The following LCOR variants were observed in gnomAD, a reference collection of about 807,000 sequenced individuals.
LCOR encodes ligand-dependent corepressor.
In LCOR, 14 loss-of-function variants were observed where a neutral mutation model predicts 64.4. The ratio of observed to expected loss-of-function variants is 0.22; its 90% CI spans 0.14 to 0.34. The LOEUF is 0.34. Among genes scored for constraint, LCOR ranks in the 10% least tolerant of loss-of-function variants. The pLI is 1.00. For synonymous variants in LCOR, 643 were observed against 642.5 expected, an observed-to-expected ratio of 1.00 and a Z score of -0.01; for missense variants, 1,686 against 1,765.3, an observed-to-expected ratio of 0.96 and a Z score of 0.80.
At chr10:96,966,992 T>G (rs1847958006) in intron 7 of LCOR, among the ~76,000 whole-genome samples, 1 of 152,196 alleles carries the variant, frequency 6.6e-6, no homozygotes, top group Non-Finnish European at 1.5e-5. Context: ...CCACTTTGGC[T>G]TCCCTAAGTG....
chr10:96,893,422 C>G lies in LCOR; in HGVS notation c.-329-13843C>G, dbSNP rs576811350. On this transcript the variant is annotated intron_variant, in intron 2 of 7. Transcript: ENST00000421806. ...AATAATTTACAAATACTTGTCTAAT[C>G]ACGTTATAAATTTATAGCCAAGGAA... Among the ~76,000 whole-genome samples the G allele has an allele frequency of 1.7e-4, 26 of 152,246 alleles. 1 individual carries two copies. Among genetic ancestry groups the G allele is most frequent in the African/African-American group, 5.5e-4 (23 of 41,546 alleles).
chr10:96,982,108 G>T lies in LCOR; in HGVS notation c.1648G>T (p.Ala550Ser). 1.2e-6 allele frequency: 2 copies of T among 1,614,110 alleles called. No homozygotes were observed. The highest frequency in any genetic ancestry group is 8.5e-7 in the Non-Finnish European group (1 of 1,180,016). The change falls in exon 8 of 8, where the codon GCC (alanine) becomes TCC (serine). Residue 550 changes from alanine (A) to serine (S), a missense_variant. By Grantham distance (99) the Ala-to-Ser change is moderately conservative. Coordinates refer to ENST00000421806, the MANE Select transcript of LCOR (RefSeq NM_001346516.2). ...TCCTAAGCAGACCCTTACAATTCCA[G>T]CCCCTAGACATACAGTAGATGTGCA... ...FTPKQTLTIP[A>S]PRHTVDVQLP...
rs532148919 is a variant in LCOR at position 96,845,062 on chromosome 10, T to C, written c.-330+11583T>C. The stretch of plus-strand genomic sequence containing the variant: ...TAAATTGTGTGACAGAAAAGGAAGT[T>C]GCTGAGTAGTGTGTAATTACTGAGA... On this transcript the variant is annotated intron_variant, in intron 2 of 7. Coordinates refer to ENST00000421806, the MANE Select transcript of LCOR (RefSeq NM_001346516.2). Among the ~76,000 whole-genome samples the C allele has an allele frequency of 2.3e-4, 35 of 152,260 alleles. No homozygotes were observed. In the South Asian group the frequency reaches 2.9e-3, roughly 13 times the overall value.
At chr10:96,913,716 G>A (rs1275417083) in intron 4 of LCOR, among the ~76,000 whole-genome samples, 1 of 152,158 alleles carries the variant, frequency 6.6e-6, no homozygotes, top group South Asian at 2.1e-4. Flanking sequence ...GGGGCCAGGA[G>A]TTTGAGACCA....
chr10:96,957,742 A>C (rs1481099988), intron 7 of LCOR: 7 of 985,300 alleles, frequency 7.1e-6, no homozygotes, highest in African/African-American at 3.5e-5. Flanking sequence ...TGTGTGTTCA[A>C]AGGTTAGGCA....
At chr10:96,894,775 G>A (rs1846508697) in intron 2 of LCOR, among the ~76,000 whole-genome samples, 1 of 152,170 alleles carries the variant, frequency 6.6e-6, no homozygotes, top group Non-Finnish European at 1.5e-5. Flanking sequence ...ATATTTAGAT[G>A]TGTTTGATTA....
At chr10:96,840,392 C>T (rs923478651) in intron 2 of LCOR, among the ~76,000 whole-genome samples, 6 of 152,078 alleles carry the variant, frequency 3.9e-5, no homozygotes, top group Admixed American at 6.6e-5. Context: ...TTTGTTGTAT[C>T]TTTACTATAA....
At chr10:96,930,945 C>T (rs1195010974) in intron 4 of LCOR, among the ~76,000 whole-genome samples, 1 of 152,090 alleles carries the variant, frequency 6.6e-6, no homozygotes, top group African/African-American at 2.4e-5. Context: ...AAATGACTTA[C>T]TCTCAGGAAT....
chr10:96,840,639 G>C (rs994866263), intron 2 of LCOR, among the ~76,000 whole-genome samples: 1 of 152,202 alleles, frequency 6.6e-6, no homozygotes, highest in Non-Finnish European at 1.5e-5. Flanking sequence ...AAGAAAAATA[G>C]AGATGGGGTC....
intron 2 of LCOR, among the ~76,000 whole-genome samples, chr10:96,874,780 G>T (rs370204031): frequency 1.1e-4 from 16 of 151,986 alleles, no homozygotes; most frequent in East Asian, 9.7e-4. Flanking sequence ...TGGGATTACA[G>T]GCATGTACCA....
chr10:96,913,914 A>G (rs989987009), intron 4 of LCOR, among the ~76,000 whole-genome samples: 1 of 152,134 alleles, frequency 6.6e-6, no homozygotes, highest in Non-Finnish European at 1.5e-5. Context: ...AAAAAAAAAA[A>G]AAGAAGTTAG....
intron 7 of LCOR, among the ~76,000 whole-genome samples, chr10:96,972,159 G>A (rs1848004804): frequency 6.6e-6 from 1 of 151,892 alleles, no homozygotes; most frequent in Admixed American, 6.6e-5. Context: ...TAAAAATTTA[G>A]TGTTACTGCT....
intron 4 of LCOR, among the ~76,000 whole-genome samples, chr10:96,916,615 ATG>A (rs1564624782): frequency 1.0e-4 from 15 of 149,924 alleles, no homozygotes; most frequent in African/African-American, 3.7e-4. Flanking sequence ...ATCTATATAT[ATG>A]ATTATTTATT....
intron 2 of LCOR, among the ~76,000 whole-genome samples, chr10:96,880,341 T>G (rs1179757633): frequency 6.6e-6 from 1 of 152,206 alleles, no homozygotes; most frequent in Non-Finnish European, 1.5e-5. Context: ...CTTCTAGCAT[T>G]GAGAAAATAT....
chr10:96,836,599 G>C (rs78302821), intron 2 of LCOR, among the ~76,000 whole-genome samples: 5,145 of 152,274 alleles, frequency 0.034, 119 homozygotes, highest in Non-Finnish European at 0.055. Flanking sequence ...ATTGTACAAG[G>C]CATAGTGTGT....
rs557893982 is a variant in LCOR, at chr10:96,941,366, A to G, written c.-183-2747A>G. 3.9e-3 allele frequency among the ~76,000 whole-genome samples: 538 copies of G among 138,122 alleles called. 1 individual carries two copies. Among genetic ancestry groups the G allele is most frequent in the Non-Finnish European group, 6.9e-3 (439 of 63,824 alleles). The allele number at this position is 138,122 out of a possible 152,430, so 90.6% of individuals were successfully genotyped here. ...CACTTCCCAGTAGGGGCGGCCGGGC[A>G]GAGGCGCCCCTCACCTCCCGGACTG... On this transcript the variant is annotated intron_variant, in intron 4 of 7. Coordinates refer to ENST00000421806, the MANE Select transcript of LCOR (RefSeq NM_001346516.2).
At chr10:96,844,766 G>A (rs1366239192) in intron 2 of LCOR, among the ~76,000 whole-genome samples, 3 of 152,216 alleles carry the variant, frequency 2.0e-5, no homozygotes, top group Admixed American at 6.5e-5. Flanking sequence ...GGGTATCTGA[G>A]TGATACTGAT....
chr10:96,911,090 TCC>T (rs1190846367), intron 4 of LCOR, among the ~76,000 whole-genome samples: 1 of 144,622 alleles, frequency 6.9e-6, no homozygotes, highest in South Asian at 2.2e-4. Context: ...TTTTACATGT[TCC>T]CTTTTTTTTT....
intron 2 of LCOR, among the ~76,000 whole-genome samples, chr10:96,853,870 G>A (rs1845759299): frequency 6.6e-6 from 1 of 152,158 alleles, no homozygotes; most frequent in Admixed American, 6.5e-5. Context: ...CAGGGCAGCA[G>A]GAGAGAGAAT....
Sources: allele counts gnomAD v4.1 joint callset (sites outside exome capture counted in the v4.1 genomes callset), GRCh38; gene constraint gnomAD v4.1.1; transcripts MANE v1.5; gene names NCBI Gene and HGNC (gene_info 2026-07-23, HGNC 2026-07-21).